The following XKR6 variants were observed in gnomAD, a reference collection of about 807,000 sequenced individuals.
XKR6 encodes XK-related protein 6.
A neutral mutation model predicts 56.7 loss-of-function variants in XKR6; 22 were observed. The observed-to-expected ratio is 0.39, with a 90% CI of 0.28 to 0.55. XKR6 has a LOEUF of 0.55. XKR6 is among the 20% of genes least tolerant of loss of function. XKR6 has a pLI of 0.66. For synonymous variants in XKR6, 524 were observed against 387.8 expected (o/e 1.35, Z -4.13); for missense variants, 852 against 889.0 (o/e 0.96, Z 0.53).
At chr8:11,127,894 C>T (rs1276271871) in intron 1 of XKR6, among the ~76,000 whole-genome samples, 9 of 152,164 alleles carry the variant, frequency 5.9e-5, no homozygotes. Context: ...TTTAATGAAG[C>T]AATACGATTT....
In XKR6 at chr8:11,200,873, T is replaced by C; in HGVS notation, c.467A>G (p.Lys156Arg). 6.2e-7 allele frequency: 1 copy of C among 1,611,670 alleles called. No individual in the cohort carries two copies. ...CAGCCCGAAGTAGACGTAGTCCCCC[T>C]TGCGGTAGTAGTCGAGGGCCAGCCA... is the stretch of plus-strand genomic sequence containing the variant. ...DLWLALDYYR[K>R]GDYVYFGLTL... The change falls in exon 1 of 3, where the codon AAG (lysine) becomes AGG (arginine). Residue 156 changes from lysine (K) to arginine (R), a missense_variant. By Grantham distance (26) the Lys-to-Arg change is conservative. This residue lies in a region of XKR6 where 417 missense variants were observed against 355.2 expected (regional missense o/e 1.17). Transcript: ENST00000416569. The surrounding 1 kb of genome is among the most constrained non-coding windows in gnomAD (Gnocchi z 6.4).
chr8:10,977,304 C>T (rs370610963), intron 1 of XKR6, among the ~76,000 whole-genome samples: 89 of 152,170 alleles, frequency 5.8e-4, no homozygotes, highest in African/African-American at 2.1e-3. Flanking sequence ...CTCAAGGGTC[C>T]ATTGGTCTCC....
rs915721370 is a variant in XKR6 at position 11,113,389 on chromosome 8, C to A, written c.764+87187G>T. Among the ~76,000 whole-genome samples the A allele has an allele frequency of 1.1e-4, 16 of 152,098 alleles. No homozygotes were observed. In the South Asian group the frequency reaches 1.5e-3, roughly 14 times the overall value. ...TAATTAAATAACACTCCCCTCCACC[C>A]AAAAAAGTTTTACTAAAATGTAAAA... On this transcript the variant is annotated intron_variant, in intron 1 of 2. Transcript: ENST00000416569.
At chr8:11,057,621 G>C (rs1799718574) in intron 1 of XKR6, among the ~76,000 whole-genome samples, 1 of 152,184 alleles carries the variant, frequency 6.6e-6, no homozygotes, top group African/African-American at 2.4e-5. Flanking sequence ...TGTTCAGCAG[G>C]AGTCCCTGTG....
intron 2 of XKR6, among the ~76,000 whole-genome samples, chr8:10,920,038 G>C (rs1021886228): frequency 1.3e-5 from 2 of 152,198 alleles, no homozygotes; most frequent in Non-Finnish European, 2.9e-5. Context: ...TGATTAGAGA[G>C]AAACAGAGGG....
intron 1 of XKR6, among the ~76,000 whole-genome samples, chr8:11,119,070 A>C (rs1233141388): frequency 2.6e-5 from 4 of 151,888 alleles, no homozygotes; most frequent in Admixed American, 2.0e-4. Flanking sequence ...TGATGTACCC[A>C]GTAGTCATTC....
chr8:11,006,192 G>A (rs1798364904), intron 1 of XKR6, among the ~76,000 whole-genome samples: 1 of 152,070 alleles, frequency 6.6e-6, no homozygotes, highest in Non-Finnish European at 1.5e-5. Context: ...GAGATTAATT[G>A]GTGATTGATT....
intron 1 of XKR6, among the ~76,000 whole-genome samples, chr8:11,079,498 C>T (rs7014291): frequency 0.26 from 38,876 of 152,094 alleles, 6,075 homozygotes; most frequent in African/African-American, 0.44. Context: ...GCAGCATCCA[C>T]ATAAGATCAT....
chr8:10,952,210 C>G (rs554211706), intron 1 of XKR6, among the ~76,000 whole-genome samples: 37 of 152,228 alleles, frequency 2.4e-4, no homozygotes, highest in Non-Finnish European at 4.1e-4. Context: ...CAAGTTCACC[C>G]ACAGGCCTCC....
At chr8:11,015,081 C>T (rs918179978) in intron 1 of XKR6, among the ~76,000 whole-genome samples, 6 of 152,140 alleles carry the variant, frequency 3.9e-5, no homozygotes, top group African/African-American at 1.4e-4. Flanking sequence ...AACTCATCTA[C>T]GATCAGGGAA....
chr8:10,938,668 G>A (rs79591520), intron 1 of XKR6, among the ~76,000 whole-genome samples: 1 of 152,228 alleles, frequency 6.6e-6, no homozygotes, highest in South Asian at 2.1e-4. Context: ...AGAACAGATT[G>A]GTAGTTCCCA....
intron 1 of XKR6, among the ~76,000 whole-genome samples, chr8:10,927,365 C>T (rs906710500): frequency 1.3e-5 from 2 of 152,090 alleles, no homozygotes; most frequent in African/African-American, 4.8e-5. Flanking sequence ...TGACCCAAAC[C>T]CGGCTCTCTC....
At chr8:11,155,672 T>G (rs78356565) in intron 1 of XKR6, among the ~76,000 whole-genome samples, 1,595 of 152,266 alleles carry the variant, frequency 0.01, 13 homozygotes, top group Middle Eastern at 0.017. Context: ...CAAAGCACCA[T>G]CCTCATCACT....
intron 2 of XKR6, among the ~76,000 whole-genome samples, chr8:10,912,393 C>CAT (rs1269882866): frequency 1.2e-4 from 10 of 86,596 alleles, no homozygotes; most frequent in Middle Eastern, 0.011. Flanking sequence ...GGTGAGTATA[C>CAT]ATATATATAT....
At chr8:10,975,583 G>C (rs544734280) in intron 1 of XKR6, among the ~76,000 whole-genome samples, 5 of 152,298 alleles carry the variant, frequency 3.3e-5, no homozygotes, top group South Asian at 4.1e-4. Context: ...TGCACAACGC[G>C]TGTGGTCTCG....
chr8:10,951,715 C>G (rs1033021388), intron 1 of XKR6, among the ~76,000 whole-genome samples: 2 of 152,194 alleles, frequency 1.3e-5, no homozygotes, highest in Non-Finnish European at 2.9e-5. Flanking sequence ...TCTGAGTAGG[C>G]TGCAGCACAG....
rs79501390 is a variant in XKR6, at chr8:10,989,451, C to T, written c.765-64621G>A. Among the ~76,000 whole-genome samples, 60 of 152,150 alleles carry T rather than the reference C, an allele frequency of 3.9e-4. No individual in the cohort carries two copies. In the East Asian group the frequency reaches 0.011, roughly 28 times the overall value. Reference sequence around the variant, plus strand: ...CCCGAGATGATTGATATCTACGTTACGTTTAATTTAAAAAAGCAAATCCAT... The same window carrying T: ...CCCGAGATGATTGATATCTACGTTATGTTTAATTTAAAAAAGCAAATCCAT... On this transcript the variant is annotated intron_variant, in intron 1 of 2. Transcript: ENST00000416569.
At chr8:11,064,641 A>T (rs979767074) in intron 1 of XKR6, among the ~76,000 whole-genome samples, 1 of 152,232 alleles carries the variant, frequency 6.6e-6, no homozygotes, top group Non-Finnish European at 1.5e-5. Context: ...AGATACTTGC[A>T]TACTCTATTC....
intron 2 of XKR6, among the ~76,000 whole-genome samples, chr8:10,903,301 G>C (rs1324042486): frequency 1.3e-5 from 2 of 152,200 alleles, no homozygotes; most frequent in Non-Finnish European, 1.5e-5. Context: ...AGGGCCATCA[G>C]CGAAGGGTGC....
Sources: allele counts gnomAD v4.1 joint callset (sites outside exome capture counted in the v4.1 genomes callset), GRCh38; gene constraint gnomAD v4.1.1; regional missense constraint gnomAD v4.1.1; non-coding constraint Gnocchi (gnomAD v3.1); transcripts MANE v1.5; gene names NCBI Gene and HGNC (gene_info 2026-07-23, HGNC 2026-07-21).